The following MTA3 variants were observed in gnomAD, a reference collection of about 807,000 sequenced individuals.
MTA3 encodes metastasis associated 1 family member 3.
Under a neutral mutation model 83.5 loss-of-function variants are expected in MTA3, and 34 were observed. That is an observed-to-expected ratio of 0.41 (90% CI 0.31 to 0.54). The LOEUF is 0.54. Among genes scored for constraint, MTA3 ranks in the 20% least tolerant of loss-of-function variants. MTA3 has a pLI of 0.33. For missense variants in MTA3, 761 were observed against 726.4 expected (o/e 1.05, Z -0.55); for synonymous variants, 303 against 252.7 (o/e 1.20, Z -1.89).
intron 3 of MTA3, among the ~76,000 whole-genome samples, chr2:42,585,668 T>G (rs963084964): frequency 2.6e-5 from 4 of 151,728 alleles, no homozygotes; most frequent in Non-Finnish European, 4.4e-5. Flanking sequence ...GAGACCGGGT[T>G]TCACCGTGTT....
At chr2:42,545,904 T>G (rs1282877288) in intron 2 of MTA3, among the ~76,000 whole-genome samples, 3 of 152,114 alleles carry the variant, frequency 2.0e-5, no homozygotes, top group Non-Finnish European at 4.4e-5. Context: ...GACTGGAAAT[T>G]CTGGTTATTG....
intron 3 of MTA3, among the ~76,000 whole-genome samples, chr2:42,593,646 A>G (rs1344677108): frequency 1.3e-5 from 2 of 152,074 alleles, no homozygotes; most frequent in African/African-American, 4.8e-5. Context: ...GTGTGACTAT[A>G]TATGTCATTT....
intron 16 of MTA3, chr2:42,723,262 G>C (rs375840469): frequency 1.9e-6 from 1 of 521,640 alleles, no homozygotes; most frequent in Non-Finnish European, 3.4e-6. Flanking sequence ...GTTAGGAGGC[G>C]TTTTTGGAGA....
rs1212442629 is a variant in MTA3 at position 42,730,953 on chromosome 2, G to C, written c.1759+7918G>C. Among the ~76,000 whole-genome samples the C allele has an allele frequency of 2.0e-5, 3 of 152,040 alleles. 1 individual carries two copies. The highest frequency in any genetic ancestry group is 7.2e-5 in the African/African-American group (3 of 41,404). ...ATCTTGGTAGGTTGTATGTGTCTAGGAATGTATCCATTTCTTCTAGCTTTT... is the reference window on the plus strand; with the variant it reads ...ATCTTGGTAGGTTGTATGTGTCTAGCAATGTATCCATTTCTTCTAGCTTTT... On this transcript the variant is annotated intron_variant, in intron 16 of 16. Coordinates refer to ENST00000405094, the MANE Select transcript of MTA3 (RefSeq NM_001330442.2).
At chr2:42,580,489 A>G (rs1212552486) in intron 3 of MTA3, among the ~76,000 whole-genome samples, 1 of 151,664 alleles carries the variant, frequency 6.6e-6, no homozygotes, top group African/African-American at 2.4e-5. Flanking sequence ...CTCCTGCCTC[A>G]GCCTCCTGGG....
intron 16 of MTA3, among the ~76,000 whole-genome samples, chr2:42,732,819 C>T (rs1422636608): frequency 6.6e-6 from 1 of 152,204 alleles, no homozygotes; most frequent in African/African-American, 2.4e-5. Flanking sequence ...CAAAGTTCCA[C>T]AAATCTCTAG....
intron 4 of MTA3, among the ~76,000 whole-genome samples, chr2:42,633,096 C>G (rs963295605): frequency 2.6e-5 from 4 of 151,950 alleles, no homozygotes; most frequent in South Asian, 2.1e-4. Flanking sequence ...AATCCTGTCT[C>G]TAGTAAAAAT....
chr2:42,696,334 C>T (rs1693387002), intron 10 of MTA3, among the ~76,000 whole-genome samples: 1 of 152,130 alleles, frequency 6.6e-6, no homozygotes, highest in African/African-American at 2.4e-5. Context: ...TTGTACTGTA[C>T]ATAAGCTTTT....
At chr2:42,495,053 G>A (rs1674067939) in intron 1 of MTA3, 1 of 152,582 alleles carries the variant, frequency 6.6e-6, no homozygotes, top group Non-Finnish European at 1.5e-5. Flanking sequence ...AATACTAGAA[G>A]AAAAAAATAA....
chr2:42,640,115 A>G lies in MTA3; in HGVS notation c.318-58A>G, dbSNP rs1329586367. ...TCACATTCTTAACTTTGTATTTCTC[A>G]TCACTGAGAAGGTGAGGTGGCCTTT... On this transcript the variant is annotated intron_variant, in intron 4 of 16. Coordinates refer to ENST00000405094, the MANE Select transcript of MTA3 (RefSeq NM_001330442.2). 3.2e-6 allele frequency: 4 copies of G among 1,234,634 alleles called. No individual in the cohort carries two copies. In the Admixed American group the frequency reaches 6.4e-5, roughly 20 times the overall value. The allele number at this position is 1,234,634 out of a possible 1,614,324, so 76.5% of individuals were successfully genotyped here. A position where few individuals can be genotyped will look rare whatever the true frequency, so the allele number is the denominator to read the frequency against.
chr2:42,587,902 A>G (rs1680532144), intron 3 of MTA3, among the ~76,000 whole-genome samples: 4 of 152,104 alleles, frequency 2.6e-5, no homozygotes, highest in Admixed American at 2.6e-4. Flanking sequence ...TACTAACCTA[A>G]TGTTTTTTAT....
At chr2:42,621,904 G>C (rs1420121181) in intron 4 of MTA3, among the ~76,000 whole-genome samples, 3 of 148,644 alleles carry the variant, frequency 2.0e-5, no homozygotes, top group African/African-American at 7.6e-5. Context: ...GGGAAGAGGC[G>C]CTCCTCACTT....
At chr2:42,605,122 G>A (rs1683094162) in intron 3 of MTA3, among the ~76,000 whole-genome samples, 2 of 150,444 alleles carry the variant, frequency 1.3e-5, no homozygotes, top group African/African-American at 4.9e-5. Flanking sequence ...TGGGGTGGTG[G>A]CCGGGCAGAG....
At chr2:42,540,013 T>C (rs1676450169) in intron 2 of MTA3, among the ~76,000 whole-genome samples, 2 of 152,124 alleles carry the variant, frequency 1.3e-5, no homozygotes, top group African/African-American at 2.4e-5. Flanking sequence ...AGAAAGAAGC[T>C]GCACCTTCCT....
At chr2:42,528,329 C>T (rs1259079335) in intron 2 of MTA3, among the ~76,000 whole-genome samples, 2 of 152,054 alleles carry the variant, frequency 1.3e-5, no homozygotes, top group Non-Finnish European at 2.9e-5. Flanking sequence ...AAGCTATTCT[C>T]CTGCCTCAGC....
chr2:42,568,843 A>T, intron 1 of MTA3, 70 bp downstream of exon 1: 1 of 1,204,470 alleles, frequency 8.3e-7, no homozygotes, highest in Non-Finnish European at 1.0e-6. Context: ...GGGCGAGTGC[A>T]CGCCAACTGC....
At position 42,662,587 on chromosome 2, in the gene MTA3, C is replaced by G. The variant is rs748790510; in HGVS notation, c.702+2725C>G. ...TGTTTATAGACTTTTAATCTATTCT[C>G]TTTTGTTTTGTAGATCTATTTTTCC... On this transcript the variant is annotated intron_variant, in intron 8 of 16. Coordinates refer to ENST00000405094, the MANE Select transcript of MTA3 (RefSeq NM_001330442.2). Among the ~76,000 whole-genome samples, 7 of 151,830 alleles carry G rather than the reference C, an allele frequency of 4.6e-5. No individual in the cohort carries two copies. The East Asian group carries it at 9.7e-4, about 21-fold the overall frequency.
chr2:42,645,574 C>T (rs533876160), intron 6 of MTA3, among the ~76,000 whole-genome samples: 1 of 152,118 alleles, frequency 6.6e-6, no homozygotes, highest in Non-Finnish European at 1.5e-5. Flanking sequence ...AGCCTTACTG[C>T]TTTACTGCTG....
At chr2:42,717,127 G>GTT (rs66521425) in intron 14 of MTA3, among the ~76,000 whole-genome samples, 38 of 64,912 alleles carry the variant, frequency 5.9e-4, no homozygotes, top group African/African-American at 1.0e-3. Context: ...TCAGAAAAGA[G>GTT]TTTTTTTTTT....
Sources: gnomAD v4.1 joint callset for allele counts (sites outside exome capture counted in the v4.1 genomes callset) on GRCh38, gnomAD v4.1.1 for gene constraint, MANE v1.5 for transcripts, NCBI Gene and HGNC (gene_info 2026-07-23, HGNC 2026-07-21) for gene names.